The following DPP10 variants were observed in gnomAD, a reference collection of about 807,000 sequenced individuals.
The protein encoded by DPP10 is inactive dipeptidyl peptidase 10.
DPP10 carries 33 observed loss-of-function variants against 120.9 expected under a neutral mutation model. The ratio of observed to expected loss-of-function variants is 0.27; its 90% CI spans 0.21 to 0.37. The LOEUF is 0.37. Ranked by LOEUF, DPP10 falls within the 10% of genes least tolerant of loss-of-function variation. DPP10 has a pLI of 1.00. For synonymous variants in DPP10, 337 were observed against 326.1 expected, an observed-to-expected ratio of 1.03 and a Z score of -0.36; for missense variants, 816 against 942.8, an observed-to-expected ratio of 0.87 and a Z score of 1.76.
chr2:115,359,362 G>T (rs1233168193), intron 3 of DPP10, among the ~76,000 whole-genome samples: 1 of 152,116 alleles, frequency 6.6e-6, no homozygotes, highest in East Asian at 1.9e-4. Context: ...CTCTGGAAAG[G>T]ATTTTATTTC....
At chr2:115,417,523 C>G (rs1008076778) in intron 3 of DPP10, among the ~76,000 whole-genome samples, 15 of 151,964 alleles carry the variant, frequency 9.9e-5, no homozygotes, top group Non-Finnish European at 5.9e-5. Flanking sequence ...AGCAGTAGTC[C>G]CAGAACTTAA....
chr2:115,614,855 G>C (rs1431292491), intron 5 of DPP10, among the ~76,000 whole-genome samples: 1 of 152,154 alleles, frequency 6.6e-6, no homozygotes, highest in Non-Finnish European at 1.5e-5. Context: ...CTGGGTAGCA[G>C]TGAATCCTGG....
At chr2:115,034,129 T>C (rs1383633049) in intron 1 of DPP10, among the ~76,000 whole-genome samples, 1 of 151,854 alleles carries the variant, frequency 6.6e-6, no homozygotes, top group Non-Finnish European at 1.5e-5. Context: ...TCTTTTGACC[T>C]CGTGATCTGC....
intron 1 of DPP10, among the ~76,000 whole-genome samples, chr2:114,636,323 T>C (rs575515989): frequency 1.3e-5 from 2 of 152,144 alleles, no homozygotes; most frequent in South Asian, 4.1e-4. Context: ...ATAATTTTTA[T>C]AGCTTCAACA....
chr2:114,670,607 C>G (rs1181704511), intron 1 of DPP10, among the ~76,000 whole-genome samples: 1 of 152,008 alleles, frequency 6.6e-6, no homozygotes, highest in African/African-American at 2.4e-5. Flanking sequence ...GTGCAGCACA[C>G]CAGCATGACA....
intron 5 of DPP10, among the ~76,000 whole-genome samples, chr2:115,556,273 C>T (rs1378128332): frequency 2.0e-5 from 3 of 151,416 alleles, no homozygotes; most frequent in Admixed American, 1.3e-4. Flanking sequence ...TCCATGGCCT[C>T]TGGGCTGTAT....
intron 1 of DPP10, among the ~76,000 whole-genome samples, chr2:114,761,050 T>C (rs1182784936): frequency 6.6e-6 from 1 of 152,224 alleles, no homozygotes; most frequent in African/African-American, 2.4e-5. Context: ...TTTGTTGTTT[T>C]CTCCGTGTTG....
chr2:115,801,917 G>A (rs1213423768), intron 19 of DPP10, among the ~76,000 whole-genome samples: 12 of 152,098 alleles, frequency 7.9e-5, no homozygotes, highest in South Asian at 2.1e-4. Flanking sequence ...GTCTCTGCTC[G>A]GCTTTGGTAT....
In DPP10 at chr2:114,977,375, A is replaced by G. The variant is rs563491708; in HGVS notation, c.61-331864A>G. On this transcript the variant is annotated intron_variant, in intron 1 of 25. Transcript: ENST00000410059. The stretch of plus-strand genomic sequence containing the variant: ...AAGTGAATGAATTCTTCACACTTTC[A>G]CCATCTTATCTAGTACCTTTGCTTT... Among the ~76,000 whole-genome samples, 7 of 152,222 alleles carry G rather than the reference A, an allele frequency of 4.6e-5. No individual in the cohort carries two copies. In the East Asian group the frequency reaches 1.4e-3, roughly 29 times the overall value.
At chr2:115,530,145 A>C (rs553796336) in intron 5 of DPP10, among the ~76,000 whole-genome samples, 1 of 151,942 alleles carries the variant, frequency 6.6e-6, no homozygotes, top group African/African-American at 2.4e-5. Flanking sequence ...AATTTTAGAA[A>C]CTTTATTTCA....
chr2:114,499,393 G>A (rs769815084), intron 1 of DPP10, among the ~76,000 whole-genome samples: 17 of 152,078 alleles, frequency 1.1e-4, no homozygotes, highest in Non-Finnish European at 1.9e-4. Context: ...TTATAATAAC[G>A]TCAGTTGGCC....
intron 1 of DPP10, among the ~76,000 whole-genome samples, chr2:114,701,125 C>A (rs1049160132): frequency 1.3e-5 from 2 of 152,074 alleles, no homozygotes; most frequent in African/African-American, 4.8e-5. Context: ...ATGATGTGAT[C>A]TTCTTTAATC....
intron 3 of DPP10, among the ~76,000 whole-genome samples, chr2:115,473,621 G>A (rs1439404579): frequency 2.0e-5 from 3 of 152,144 alleles, no homozygotes; most frequent in East Asian, 3.9e-4. Context: ...GTCTTCCAAA[G>A]CCTCTGTCTG....
intron 4 of DPP10, among the ~76,000 whole-genome samples, chr2:115,525,317 A>G (rs1306846044): frequency 6.6e-6 from 1 of 152,100 alleles, no homozygotes; most frequent in Non-Finnish European, 1.5e-5. Flanking sequence ...AAATTTGTTC[A>G]ATTATTAGAT....
intron 1 of DPP10, among the ~76,000 whole-genome samples, chr2:114,511,199 A>G (rs1311552699): frequency 1.3e-5 from 2 of 152,270 alleles, no homozygotes; most frequent in Admixed American, 6.5e-5. Context: ...AAAGCATACT[A>G]CTTTACACTC....
intron 1 of DPP10, among the ~76,000 whole-genome samples, chr2:114,571,387 G>A (rs1262426977): frequency 6.6e-6 from 1 of 152,060 alleles, no homozygotes; most frequent in East Asian, 1.9e-4. Context: ...GTTTCCTGAG[G>A]CCTTCCCAGA....
intron 5 of DPP10, among the ~76,000 whole-genome samples, chr2:115,661,663 GTT>G (rs1203459535): frequency 1.3e-5 from 2 of 152,066 alleles, no homozygotes; most frequent in Non-Finnish European, 2.9e-5. Context: ...CCTGATCTGG[GTT>G]TTTTAGTTCT....
intron 3 of DPP10, among the ~76,000 whole-genome samples, chr2:115,448,553 A>G (rs1158419467): frequency 6.6e-6 from 1 of 152,196 alleles, no homozygotes; most frequent in African/African-American, 2.4e-5. Flanking sequence ...CAATGTTTGT[A>G]AAACTTGCTA....
intron 1 of DPP10, among the ~76,000 whole-genome samples, chr2:115,195,347 G>T (rs775069573): frequency 6.6e-6 from 1 of 152,152 alleles, no homozygotes; most frequent in Non-Finnish European, 1.5e-5. Context: ...CCTAAAACCC[G>T]TAGAGACGAA....
Sources: allele counts gnomAD v4.1 joint callset (sites outside exome capture counted in the v4.1 genomes callset), GRCh38; gene constraint gnomAD v4.1.1; transcripts MANE v1.5; gene names NCBI Gene and HGNC (gene_info 2026-07-23, HGNC 2026-07-21).